Variants in AFTPH observed in about 807,000 individuals in gnomAD.
AFTPH encodes the protein aftiphilin protein.
In AFTPH, 7 loss-of-function variants were observed where a neutral mutation model predicts 72.5. That is an observed-to-expected ratio of 0.10 (90% CI 0.05 to 0.18). The LOEUF (loss-of-function observed/expected upper bound fraction) is 0.18, where lower values mean the gene tolerates loss of function less well. Among genes scored for constraint, AFTPH ranks in the 10% least tolerant of loss-of-function variants. AFTPH has a pLI of 1.00. For synonymous variants in AFTPH, 337 were observed against 370.1 expected, an observed-to-expected ratio of 0.91 and a Z score of 1.03; for missense variants, 979 against 1,060.5, an observed-to-expected ratio of 0.92 and a Z score of 1.07.
rs1669508164 is a variant in AFTPH at position 64,529,690 on chromosome 2, A to AGT, written c.-33+5080_-33+5081dup. Among the ~76,000 whole-genome samples the AGT allele has an allele frequency of 2.7e-5, 4 of 148,990 alleles. No homozygotes were observed. In the South Asian group the frequency reaches 8.5e-4, roughly 31 times the overall value. Reference sequence around the variant, plus strand: ...TGTCACCCAGGCTGGAGTACAGTGGAGTGATCATGGCTCACTGCAGCACAG... The same window carrying AGT: ...TGTCACCCAGGCTGGAGTACAGTGGAGTGTGATCATGGCTCACTGCAGCACAG... On this transcript the variant is annotated intron_variant, in intron 1 of 8. Coordinates refer to ENST00000238856, the Ensembl canonical transcript of AFTPH.
At chr2:64,560,555 A>G (rs571235731) in intron 2 of AFTPH, among the ~76,000 whole-genome samples, 2 of 152,130 alleles carry the variant, frequency 1.3e-5, no homozygotes, top group Admixed American at 1.3e-4. Context: ...TTCTCCATAA[A>G]ATGTGTTTTT....
At chr2:64,564,987 C>T (rs1319191007) in intron 2 of AFTPH, among the ~76,000 whole-genome samples, 2 of 151,710 alleles carry the variant, frequency 1.3e-5, no homozygotes, top group Admixed American at 6.6e-5. Context: ...TACAGGCGTG[C>T]GCCACCATGC....
intron 8 of AFTPH, among the ~76,000 whole-genome samples, chr2:64,588,698 C>T (rs775757409): frequency 6.6e-6 from 1 of 152,068 alleles, no homozygotes; most frequent in Non-Finnish European, 1.5e-5. Flanking sequence ...ATGTGTTTAT[C>T]GACTATTTGT....
At chr2:64,533,201 C>T (rs1377572930) in intron 1 of AFTPH, among the ~76,000 whole-genome samples, 1 of 152,000 alleles carries the variant, frequency 6.6e-6, no homozygotes, top group Non-Finnish European at 1.5e-5. Context: ...AGTTTGAGAC[C>T]AGCCTGGGCA....
intron 6 of AFTPH, 104 bp downstream of exon 6, chr2:64,573,172 G>T (rs992510521): frequency 2.3e-6 from 2 of 865,570 alleles, no homozygotes; most frequent in African/African-American, 1.7e-5. Flanking sequence ...AAAAATATTT[G>T]TAAAGCTTGA....
chr2:64,530,597 T>TGGTCATCA (rs757895814), intron 1 of AFTPH, among the ~76,000 whole-genome samples: 36 of 152,216 alleles, frequency 2.4e-4, no homozygotes, highest in Non-Finnish European at 2.6e-4. Flanking sequence ...AAAATATCAC[T>TGGTCATCA]GGTCATCATA....
chr2:64,562,430 C>T (rs921579214), intron 2 of AFTPH, among the ~76,000 whole-genome samples: 2 of 151,828 alleles, frequency 1.3e-5, no homozygotes, highest in Non-Finnish European at 2.9e-5. Context: ...ATAGTCCCTG[C>T]CCTCAAAGCT....
chr2:64,585,340 A>G, intron 7 of AFTPH, 82 bp from the exon 9 acceptor site: 2 of 1,521,780 alleles, frequency 1.3e-6, no homozygotes, highest in Non-Finnish European at 9.0e-7. Context: ...TTTACAGAAT[A>G]TTGCCTTTTG....
chr2:64,531,969 T>A (rs1278101211), intron 1 of AFTPH, among the ~76,000 whole-genome samples: 1 of 152,212 alleles, frequency 6.6e-6, no homozygotes, highest in Non-Finnish European at 1.5e-5. Flanking sequence ...CATATTACAT[T>A]TAAACCTCTC....
intron 5 of AFTPH, among the ~76,000 whole-genome samples, chr2:64,570,448 T>G (rs1310955084): frequency 1.3e-5 from 2 of 152,224 alleles, no homozygotes; most frequent in African/African-American, 4.8e-5. Flanking sequence ...ATCTACAAAC[T>G]TTCTCCATGA....
exon 2 of AFTPH, chr2:64,552,047 T>G: frequency 6.2e-7 from 1 of 1,614,022 alleles, no homozygotes. Flanking sequence ...TGTTGGAAAC[T>G]GTAAATCCTC....
intron 7 of AFTPH, among the ~76,000 whole-genome samples, chr2:64,584,528 C>G (rs1673385727): frequency 6.6e-6 from 1 of 151,870 alleles, no homozygotes; most frequent in Non-Finnish European, 1.5e-5. Context: ...AATCTTTTAC[C>G]CTCCCCACCT....
At chr2:64,556,319 T>G (rs547889633) in intron 2 of AFTPH, among the ~76,000 whole-genome samples, 1 of 152,248 alleles carries the variant, frequency 6.6e-6, no homozygotes, top group South Asian at 2.1e-4. Context: ...AAGCATTAAG[T>G]TTTTTAGTGG....
intron 7 of AFTPH, among the ~76,000 whole-genome samples, chr2:64,584,334 TG>T: frequency 6.6e-6 from 1 of 152,142 alleles, no homozygotes; most frequent in Non-Finnish European, 1.5e-5. Context: ...TGCAGTCAGA[TG>T]GGGGAGATTT....
At chr2:64,564,086 A>T (rs1671904053) in intron 2 of AFTPH, among the ~76,000 whole-genome samples, 1 of 152,228 alleles carries the variant, frequency 6.6e-6, no homozygotes, top group South Asian at 2.1e-4. Context: ...AGATACTCTT[A>T]AAAACTAGGT....
intron 6 of AFTPH, 93 bp from the exon 7 acceptor site, chr2:64,579,393 C>T: frequency 1.1e-6 from 1 of 927,888 alleles, no homozygotes; most frequent in Non-Finnish European, 1.6e-6. Context: ...ACTTTGTTGC[C>T]TAATGGTCTT....
intron 6 of AFTPH, among the ~76,000 whole-genome samples, chr2:64,575,703 A>ATATG (rs1443814464): frequency 2.1e-5 from 3 of 145,712 alleles, no homozygotes; most frequent in African/African-American, 7.7e-5. Flanking sequence ...ATGTGTGTAT[A>ATATG]TGTGTGTGTG....
At chr2:64,548,025 A>C (rs1444185747) in intron 1 of AFTPH, among the ~76,000 whole-genome samples, 1 of 151,488 alleles carries the variant, frequency 6.6e-6, no homozygotes, top group African/African-American at 2.4e-5. Flanking sequence ...TCCTGGGCTC[A>C]AGTAATTCAC....
intron 2 of AFTPH, among the ~76,000 whole-genome samples, chr2:64,558,976 C>A (rs1361495455): frequency 6.6e-6 from 1 of 152,100 alleles, no homozygotes; most frequent in Non-Finnish European, 1.5e-5. Context: ...AGAAAAAAAA[C>A]CCAGGTGGAC....
Sources: gnomAD v4.1 joint callset for allele counts (sites outside exome capture counted in the v4.1 genomes callset) on GRCh38, gnomAD v4.1.1 for gene constraint, MANE v1.5 for transcripts, NCBI Gene and HGNC (gene_info 2026-07-23, HGNC 2026-07-21) for gene names.